Variants in ADGRB3 observed in about 807,000 individuals in gnomAD.
ADGRB3 encodes the protein brain-specific angiogenesis inhibitor 3.
Under a neutral mutation model 193.4 loss-of-function variants are expected in ADGRB3, and 37 were observed. The observed-to-expected ratio is 0.19, with a 90% confidence interval of 0.15 to 0.25. The LOEUF is 0.25. Among genes scored for constraint, ADGRB3 ranks in the 10% least tolerant of loss-of-function variants. The pLI is 1.00. For synonymous variants in ADGRB3, 690 were observed against 644.2 expected (o/e 1.07, Z -1.08); for missense variants, 1,637 against 1,852.9 (o/e 0.88, Z 2.14).
intron 20 of ADGRB3, among the ~76,000 whole-genome samples, chr6:69,261,411 T>C (rs928673638): frequency 2.6e-5 from 4 of 152,042 alleles, no homozygotes; most frequent in Admixed American, 2.0e-4. Context: ...AAAGGGAAAA[T>C]AGGTTTCACT....
chr6:69,149,025 AG>A (rs1774586700), intron 17 of ADGRB3, among the ~76,000 whole-genome samples: 1 of 152,120 alleles, frequency 6.6e-6, no homozygotes, highest in Non-Finnish European at 1.5e-5. Flanking sequence ...TCTTGAGACA[AG>A]GTAAATCTGT....
intron 10 of ADGRB3, among the ~76,000 whole-genome samples, chr6:68,988,932 G>T (rs1457810198): frequency 6.6e-6 from 1 of 152,112 alleles, no homozygotes; most frequent in African/African-American, 2.4e-5. Flanking sequence ...GAAACTCCTA[G>T]TCTGAACCAA....
At chr6:68,976,862 G>T (rs1768764224) in intron 10 of ADGRB3, among the ~76,000 whole-genome samples, 1 of 151,882 alleles carries the variant, frequency 6.6e-6, no homozygotes. Flanking sequence ...CATTGCTACA[G>T]ATATGTGTAT....
At chr6:69,225,917 G>A (rs925284842) in intron 17 of ADGRB3, among the ~76,000 whole-genome samples, 17 of 152,246 alleles carry the variant, frequency 1.1e-4, no homozygotes, top group African/African-American at 4.1e-4. Context: ...ATGGCAGGTA[G>A]CATATTTTAA....
chr6:68,803,944 ACATTT>A (rs1767357512), intron 3 of ADGRB3, among the ~76,000 whole-genome samples: 1 of 152,202 alleles, frequency 6.6e-6, no homozygotes, highest in Non-Finnish European at 1.5e-5. Context: ...ATACCATTGA[ACATTT>A]GCTCTTTCAT....
intron 3 of ADGRB3, among the ~76,000 whole-genome samples, chr6:68,696,004 A>G (rs1765150738): frequency 6.6e-6 from 1 of 151,800 alleles, no homozygotes; most frequent in East Asian, 1.9e-4. Flanking sequence ...CTGCGACCCA[A>G]AGGGGGTAGT....
At chr6:68,686,189 C>G (rs1764979823) in intron 3 of ADGRB3, among the ~76,000 whole-genome samples, 1 of 152,098 alleles carries the variant, frequency 6.6e-6, no homozygotes, top group Admixed American at 6.5e-5. Context: ...TGAGCAGAAG[C>G]ATTGTTGTGT....
chr6:69,311,193 A>T (rs966895330), intron 20 of ADGRB3, among the ~76,000 whole-genome samples: 2 of 151,780 alleles, frequency 1.3e-5, no homozygotes, highest in African/African-American at 4.8e-5. Flanking sequence ...GCTTCCATAG[A>T]GCTACTTTGT....
rs187454564 is a variant in ADGRB3, at chr6:68,896,232, G to C, written c.758-34327G>C. Among the ~76,000 whole-genome samples the C allele has an allele frequency of 9.0e-4, 137 of 152,130 alleles. 1 individual carries two copies. Among genetic ancestry groups the C allele is most frequent in the African/African-American group, 3.0e-3 (124 of 41,520 alleles). On this transcript the variant is annotated intron_variant, in intron 3 of 31. Transcript: ENST00000370598. ...TAGGTTTTGAAAAATATATGTAAGAGAACTGGAGATTTTATAATAGTTTCT... is the reference window on the plus strand; with the variant it reads ...TAGGTTTTGAAAAATATATGTAAGACAACTGGAGATTTTATAATAGTTTCT...
intron 12 of ADGRB3, among the ~76,000 whole-genome samples, chr6:69,017,702 G>A (rs553328553): frequency 6.6e-6 from 1 of 151,842 alleles, no homozygotes; most frequent in Admixed American, 6.6e-5. Flanking sequence ...GGACAGTTAG[G>A]TAGATACTGC....
intron 17 of ADGRB3, among the ~76,000 whole-genome samples, chr6:69,232,200 G>A (rs1205680382): frequency 2.0e-5 from 3 of 152,118 alleles, no homozygotes; most frequent in African/African-American, 7.2e-5. Context: ...GGGAGGGGAG[G>A]TGACAATTGG....
At chr6:68,974,642 A>C in intron 8 of ADGRB3, 121 bp from the exon 9 acceptor site, 1 of 720,262 alleles carries the variant, frequency 1.4e-6, no homozygotes, top group Middle Eastern at 2.6e-4. Context: ...CTCTAAAAAA[A>C]AGAAAGAAAA....
rs546074786 is a variant in ADGRB3, at chr6:68,945,499, T to C, written c.1195+1505T>C. On this transcript the variant is annotated intron_variant, in intron 6 of 31. Transcript: ENST00000370598. ...TTCAACAAAGATTTGGAAAAATTTATACTTTTTAAATTTTTTTCAATGCTG... is the reference window on the plus strand; with the variant it reads ...TTCAACAAAGATTTGGAAAAATTTACACTTTTTAAATTTTTTTCAATGCTG... Among the ~76,000 whole-genome samples the C allele has an allele frequency of 2.0e-5, 3 of 152,208 alleles. No individual in the cohort carries two copies. In the South Asian group the frequency reaches 6.2e-4, roughly 32 times the overall value.
At chr6:68,730,830 A>G (rs1765759862) in intron 3 of ADGRB3, among the ~76,000 whole-genome samples, 1 of 151,714 alleles carries the variant, frequency 6.6e-6, no homozygotes, top group African/African-American at 2.4e-5. Flanking sequence ...CCAGTTTTCA[A>G]TTAGCCAAAA....
chr6:69,220,588 A>G (rs973244081), intron 17 of ADGRB3, among the ~76,000 whole-genome samples: 3 of 152,106 alleles, frequency 2.0e-5, no homozygotes, highest in Admixed American at 6.6e-5. Context: ...AAATCTCACT[A>G]AGATAGAATC....
chr6:69,329,685 G>T (rs1297254435), intron 22 of ADGRB3, among the ~76,000 whole-genome samples: 1 of 152,152 alleles, frequency 6.6e-6, no homozygotes. Context: ...ACTGGTGCAT[G>T]AAATGGTGGC....
At chr6:68,896,706 A>C (rs1358094007) in intron 3 of ADGRB3, among the ~76,000 whole-genome samples, 1 of 152,132 alleles carries the variant, frequency 6.6e-6, no homozygotes, top group Non-Finnish European at 1.5e-5. Context: ...TGGAGGTTGA[A>C]CATAATGTTA....
At chr6:69,163,816 A>AT (rs1213654182) in intron 17 of ADGRB3, among the ~76,000 whole-genome samples, 4 of 152,152 alleles carry the variant, frequency 2.6e-5, no homozygotes, top group Non-Finnish European at 5.9e-5. Flanking sequence ...AAACCCACTG[A>AT]TTCTTTGTAT....
chr6:68,659,154 AT>A (rs1230390368), intron 3 of ADGRB3, among the ~76,000 whole-genome samples: 4 of 151,046 alleles, frequency 2.6e-5, no homozygotes, highest in East Asian at 1.9e-4. Flanking sequence ...AACTAAAATA[AT>A]TTTTTTGTGC....
Sources: gnomAD v4.1 joint callset for allele counts (sites outside exome capture counted in the v4.1 genomes callset) on GRCh38, gnomAD v4.1.1 for gene constraint, MANE v1.5 for transcripts, NCBI Gene and HGNC (gene_info 2026-07-23, HGNC 2026-07-21) for gene names.